UPB1: variants seen among roughly 807,000 people sequenced by gnomAD.
UPB1 encodes the protein beta-ureidopropionase 1, also known as beta-ureidopropionase.
Under a neutral mutation model 49.1 loss-of-function variants are expected in UPB1, and 40 were observed. That is an observed-to-expected ratio of 0.81 (90% CI 0.63 to 1.06). The LOEUF is 1.06. Ranked by LOEUF, UPB1 falls within the 50% of genes least tolerant of loss-of-function variation. The probability of loss-of-function intolerance (pLI) is 0.00; values close to 1 mark genes in which losing one functional copy is unlikely to be tolerated. For synonymous variants in UPB1, 207 were observed against 198.2 expected (o/e 1.04, Z -0.38); for missense variants, 499 against 505.9 (o/e 0.99, Z 0.13).
intron 9 of UPB1, 23 bp from the exon 10 acceptor site, chr22:24,525,688 G>C (rs1009329827): frequency 6.2e-7 from 1 of 1,613,998 alleles, no homozygotes; most frequent in East Asian, 2.2e-5. Context: ...AACCTCTAAA[G>C]TACATCTGTG....
At chr22:24,506,009 G>C (rs1406901094) in intron 3 of UPB1, among the ~76,000 whole-genome samples, 1 of 137,122 alleles carries the variant, frequency 7.3e-6, no homozygotes, top group East Asian at 2.1e-4. Context: ...CACCGTGCCT[G>C]GCCCTAACTG....
At chr22:24,500,561 C>G (rs1372027054) in intron 2 of UPB1, among the ~76,000 whole-genome samples, 5 of 152,240 alleles carry the variant, frequency 3.3e-5, no homozygotes, top group African/African-American at 1.2e-4. Context: ...GGAGGGTGCC[C>G]TTTTGGCCTG....
intron 3 of UPB1, chr22:24,503,277 C>T (rs2044027705): frequency 6.6e-6 from 1 of 152,248 alleles, no homozygotes; most frequent in African/African-American, 2.4e-5. Flanking sequence ...TGCCCCAGAG[C>T]CTTGTGACTG....
intron 3 of UPB1, 97 bp from the exon 4 acceptor site, chr22:24,510,652 T>C (rs941384609): frequency 7.8e-7 from 1 of 1,286,532 alleles, no homozygotes; most frequent in Non-Finnish European, 1.1e-6. Flanking sequence ...CTCCTGAGAC[T>C]GTATTCTTTT....
At chr22:24,522,247 G>A (rs1601516612) in intron 8 of UPB1, among the ~76,000 whole-genome samples, 1 of 152,286 alleles carries the variant, frequency 6.6e-6, no homozygotes, top group African/African-American at 2.4e-5. Context: ...GAGTGGGTTG[G>A]ACTCCATCCA....
intron 4 of UPB1, among the ~76,000 whole-genome samples, chr22:24,511,744 G>A (rs1215491457): frequency 6.7e-6 from 1 of 149,788 alleles, no homozygotes. Context: ...CTCCGGAGTA[G>A]CTGGGACTAC....
chr22:24,520,384 C>G lies in UPB1; in HGVS notation c.792-3C>G, dbSNP rs1289752519. 8 of 1,614,162 alleles carry G rather than the reference C, an allele frequency of 5.0e-6. No homozygotes were observed. Among genetic ancestry groups the G allele is most frequent in the South Asian group, 4.4e-5 (4 of 91,070 alleles). ...CCTGGTTCCTCTTGGTCCTCTCTTA[C>G]AGCGAGTCCCTGTGGCCCATCGAGG... On this transcript the variant is annotated splice_polypyrimidine_tract_variant and splice_region_variant and intron_variant, in intron 6 of 9. Coordinates refer to ENST00000326010, the MANE Select transcript of UPB1 (RefSeq NM_016327.3).
At chr22:24,520,235 C>A (rs1430991991) in intron 6 of UPB1, 152 bp from the exon 7 acceptor site, 1 of 842,540 alleles carries the variant, frequency 1.2e-6, no homozygotes, top group Non-Finnish European at 1.9e-6. Flanking sequence ...TGGTTGTCCC[C>A]ACCACTGGCC....
intron 3 of UPB1, among the ~76,000 whole-genome samples, chr22:24,507,193 C>T (rs536217707): frequency 2.0e-5 from 3 of 152,342 alleles, no homozygotes; most frequent in Non-Finnish European, 2.9e-5. Context: ...ACTCCTAATG[C>T]TCTGAAAGCT....
At chr22:24,520,067 G>A (rs2044360077) in intron 6 of UPB1, 3 of 428,468 alleles carry the variant, frequency 7.0e-6, no homozygotes, top group African/African-American at 2.0e-5. Context: ...TGAGGCTCAG[G>A]ATGAGGATTT....
chr22:24,496,824 C>A (rs1052794530), intron 1 of UPB1, among the ~76,000 whole-genome samples: 2 of 152,002 alleles, frequency 1.3e-5, no homozygotes, highest in Non-Finnish European at 2.9e-5. Context: ...AAAGAAGCAT[C>A]AGATGGCTCA....
At position 24,515,294 on chromosome 22, in the gene UPB1, C is replaced by T. The variant is rs1601505183; in HGVS notation, c.715C>T (p.Pro239Ser). The T allele has an allele frequency of 6.2e-7, 1 of 1,614,174 alleles. No homozygotes were observed. Among genetic ancestry groups the T allele is most frequent in the Non-Finnish European group, 8.5e-7 (1 of 1,180,046 alleles). Residue 239 changes from proline to serine, a missense_variant, in exon 6 of 10, where the codon CCC (proline) becomes TCC (serine). Transcript: ENST00000326010. ...AVNICYGRHHPLNWLMYSING... is the reference protein window; with the variant it reads ...AVNICYGRHHSLNWLMYSING... ...GAACATTTGCTACGGGCGGCACCAC[C>T]CCCTCAACTGGCTTATGTACAGCAT...
chr22:24,526,461 T>C lies in UPB1; in HGVS notation c.*667T>C, dbSNP rs547846809. Reference sequence around the variant, plus strand: ...ATTCTGCCTGAGGACAGCAGCCCAGTGCTTGGCGAGAGTTCCTGACAGTCT... The same window carrying C: ...ATTCTGCCTGAGGACAGCAGCCCAGCGCTTGGCGAGAGTTCCTGACAGTCT... On this transcript the variant is annotated 3_prime_UTR_variant, in exon 10 of 10. Coordinates refer to ENST00000326010, the MANE Select transcript of UPB1 (RefSeq NM_016327.3). The C allele has an allele frequency of 1.9e-5, 3 of 157,574 alleles. No homozygotes were observed. In the East Asian group the frequency reaches 5.6e-4, roughly 29 times the overall value. The allele number at this position is 157,574 out of a possible 1,614,324, so 9.8% of individuals were successfully genotyped here.
chr22:24,502,032 T>A, intron 2 of UPB1, 94 bp from the exon 3 acceptor site: 1 of 1,273,554 alleles, frequency 7.9e-7, no homozygotes, highest in Non-Finnish European at 1.1e-6. Context: ...CCTGCCCAGG[T>A]GGGCATTGAT....
intron 3 of UPB1, among the ~76,000 whole-genome samples, chr22:24,504,488 T>C (rs2044049518): frequency 6.6e-6 from 1 of 152,200 alleles, no homozygotes; most frequent in Non-Finnish European, 1.5e-5. Flanking sequence ...AGTTTCTCTT[T>C]TTCACCAGTA....
rs199788632 is a variant in UPB1, at chr22:24,513,328, C to G, written c.464C>G (p.Ala155Gly). 4 of 1,614,094 alleles carry G rather than the reference C, an allele frequency of 2.5e-6. No individual in the cohort carries two copies. Among genetic ancestry groups the G allele is most frequent in the Non-Finnish European group, 3.4e-6 (4 of 1,180,016 alleles). The change falls in exon 5 of 10, where the codon GCG becomes GGG. Residue 155 changes from alanine to glycine, a missense_variant. Transcript: ENST00000326010. ...GPTTRFCQKL[A>G]KNHDMVVVSP... ...CCATATTTATCATTTTTCCAGCTGG[C>G]GAAGAACCATGACATGGTGGTGGTG...
intron 7 of UPB1, 78 bp downstream of exon 7, chr22:24,520,546 C>T: frequency 2.1e-5 from 32 of 1,511,682 alleles, no homozygotes; most frequent in Non-Finnish European, 2.9e-5. Flanking sequence ...CCTCTGCACA[C>T]ATGCCACAAA....
intron 6 of UPB1, among the ~76,000 whole-genome samples, chr22:24,518,957 A>T (rs1469103958): frequency 6.6e-6 from 1 of 152,178 alleles, no homozygotes; most frequent in Non-Finnish European, 1.5e-5. Context: ...CACTAACCCC[A>T]GCTTCCTTTC....
chr22:24,514,038 C>G (rs1414440009), intron 5 of UPB1, among the ~76,000 whole-genome samples: 1 of 151,936 alleles, frequency 6.6e-6, no homozygotes. Flanking sequence ...GTTGGGGGGG[C>G]CATTTTGGTT....
Sources: gnomAD v4.1 joint callset for allele counts (sites outside exome capture counted in the v4.1 genomes callset) on GRCh38, gnomAD v4.1.1 for gene constraint, MANE v1.5 for transcripts, NCBI Gene and HGNC (gene_info 2026-07-23, HGNC 2026-07-21) for gene names.